Variants in BANP observed in about 807,000 individuals in gnomAD.
BANP encodes protein BANP.
A neutral mutation model predicts 68.1 loss-of-function variants in BANP; 11 were observed. The observed-to-expected ratio is 0.16, with a 90% confidence interval of 0.10 to 0.27. The LOEUF (loss-of-function observed/expected upper bound fraction) is 0.27. Among genes scored for constraint, BANP ranks in the 10% least tolerant of loss-of-function variants. BANP has a pLI of 1.00. For synonymous variants in BANP, 329 were observed against 303.2 expected (o/e 1.09, Z -0.88); for missense variants, 504 against 722.7 (o/e 0.70, Z 3.47).
chr16:88,008,532 C>CA (rs1187205587), intron 6 of BANP, among the ~76,000 whole-genome samples: 4 of 151,814 alleles, frequency 2.6e-5, no homozygotes, highest in East Asian at 3.9e-4. Flanking sequence ...TTAGCTAAGG[C>CA]AAAAAAACTT....
chr16:87,974,537 G>C (rs2061676976), intron 1 of BANP, among the ~76,000 whole-genome samples: 2 of 152,234 alleles, frequency 1.3e-5, no homozygotes, highest in South Asian at 4.1e-4. Context: ...CGGAGTATGG[G>C]TTGTAGTCTA....
chr16:88,027,931 C>T (rs970689658), intron 8 of BANP, among the ~76,000 whole-genome samples: 4 of 152,270 alleles, frequency 2.6e-5, no homozygotes, highest in Non-Finnish European at 4.4e-5. Flanking sequence ...GCAAGGAGGC[C>T]GAGGCCTTTG....
rs528078853 is a variant in BANP at position 87,957,396 on chromosome 16, A to G, written c.-69+5881A>G. On this transcript the variant is annotated intron_variant, in intron 1 of 13. Coordinates refer to ENST00000682872, the MANE Select transcript of BANP (RefSeq NM_001386991.1). The surrounding 1 kb of genome is among the most constrained non-coding windows in gnomAD (Gnocchi z 4.3). ...TCGGGGGTGTGTATTGGCTGCAGTC[A>G]CCTCCCCTCTGCTCGTCTGTGTCCA... 1.2e-3 allele frequency among the ~76,000 whole-genome samples: 176 copies of G among 151,824 alleles called. 1 individual carries two copies. The highest frequency in any genetic ancestry group is 4.0e-3 in the African/African-American group (164 of 41,380).
chr16:88,001,520 A>T (rs974877256), intron 4 of BANP, among the ~76,000 whole-genome samples: 9 of 152,280 alleles, frequency 5.9e-5, no homozygotes, highest in Non-Finnish European at 1.3e-4. Context: ...AAGATGTTCC[A>T]TAATTTAAAA....
intron 8 of BANP, among the ~76,000 whole-genome samples, chr16:88,030,659 C>G (rs1305676524): frequency 6.6e-6 from 1 of 152,214 alleles, no homozygotes; most frequent in African/African-American, 2.4e-5. Context: ...AGACTCAGAG[C>G]ATTTGCACAG....
rs181726918 is a variant in BANP at position 88,009,564 on chromosome 16, A to G, written c.655+3299A>G. ...TAGGTAATTCCGTTTGTCATTACAC[A>G]CGCTCCACTGGAATAAGAAGGATGG... On this transcript the variant is annotated intron_variant, in intron 6 of 13. Coordinates refer to ENST00000682872, the MANE Select transcript of BANP (RefSeq NM_001386991.1). Among the ~76,000 whole-genome samples the G allele has an allele frequency of 4.3e-4, 66 of 152,348 alleles. 1 individual carries two copies. The East Asian group carries it at 9.2e-3, about 21-fold the overall frequency.
At chr16:87,973,313 G>A (rs1056505425) in intron 1 of BANP, among the ~76,000 whole-genome samples, 17 of 151,490 alleles carry the variant, frequency 1.1e-4, no homozygotes, top group African/African-American at 4.1e-4. Flanking sequence ...ATCTAATCTT[G>A]TGTAAAGTTA....
rs961767391 is a variant in BANP, at chr16:88,066,008, G to A, written c.1377+676G>A. 4.6e-5 allele frequency among the ~76,000 whole-genome samples: 7 copies of A among 152,176 alleles called. No individual in the cohort carries two copies. The East Asian group carries it at 7.7e-4, about 17-fold the overall frequency. ...AGCACGGGAGAGGGTGTGCACCTGC[G>A]CCTGTGGCTTTTACGAGCCTGGGAT... On this transcript the variant is annotated intron_variant, in intron 12 of 13. Coordinates refer to ENST00000682872, the MANE Select transcript of BANP (RefSeq NM_001386991.1).
chr16:88,074,999 T>C (rs1251082424), intron 13 of BANP, among the ~76,000 whole-genome samples: 2 of 152,164 alleles, frequency 1.3e-5, no homozygotes, highest in Admixed American at 6.5e-5. Flanking sequence ...AGCCCAGGAC[T>C]TCAAGACCAG....
At chr16:87,994,447 G>T (rs552067163) in intron 4 of BANP, among the ~76,000 whole-genome samples, 6 of 152,346 alleles carry the variant, frequency 3.9e-5, no homozygotes, top group African/African-American at 1.4e-4. Flanking sequence ...GAAGCTAGAA[G>T]CTTCTTTCTT....
chr16:88,028,468 T>G (rs1001900595), intron 8 of BANP, among the ~76,000 whole-genome samples: 31 of 152,172 alleles, frequency 2.0e-4, no homozygotes, highest in African/African-American at 7.0e-4. Flanking sequence ...CTCGGGCTGT[T>G]TTGGTAGTTA....
Position 88,018,127 on chromosome 16 carries a change from C to G in BANP, c.656-301C>G, listed in dbSNP as rs533926638. 6.6e-6 allele frequency among the ~76,000 whole-genome samples: 1 copy of G among 151,868 alleles called. No homozygotes were observed. Among genetic ancestry groups the G allele is most frequent in the Non-Finnish European group, 1.5e-5 (1 of 67,992 alleles). Reference sequence around the variant, plus strand: ...AAGGATATCGGTATTGCTGGGGTCCCGGGTCCAGGGTGAGCAGAGTGTGTG... The same window carrying G: ...AAGGATATCGGTATTGCTGGGGTCCGGGGTCCAGGGTGAGCAGAGTGTGTG... On this transcript the variant is annotated intron_variant, in intron 6 of 13. Transcript: ENST00000682872. This position sits in a 1 kb window ranked among gnomAD's most constrained non-coding sequence, Gnocchi z 7.7.
intron 2 of BANP, among the ~76,000 whole-genome samples, chr16:87,977,840 T>C (rs1376669018): frequency 1.8e-5 from 1 of 55,580 alleles, no homozygotes; most frequent in African/African-American, 1.7e-4. Flanking sequence ...TTGATTGTGA[T>C]ATCTTTATTT....
intron 7 of BANP, among the ~76,000 whole-genome samples, chr16:88,019,751 C>A (rs993335703): frequency 2.0e-5 from 3 of 148,774 alleles, no homozygotes; most frequent in South Asian, 2.1e-4. Context: ...GCCAGCTGTT[C>A]CAGCAGGAAA....
rs1567723587 is a variant in BANP, at chr16:88,004,879, G to C, written c.479+468G>C. On this transcript the variant is annotated intron_variant, in intron 5 of 13. Coordinates refer to ENST00000682872, the MANE Select transcript of BANP (RefSeq NM_001386991.1). The surrounding 1 kb of genome is among the most constrained non-coding windows in gnomAD (Gnocchi z 7.0). ...TTGAATGGAACTTTGGTCAGAGGTGGGAGTGGACAGAAGACACCGTCCCCG... is the reference window on the plus strand; with the variant it reads ...TTGAATGGAACTTTGGTCAGAGGTGCGAGTGGACAGAAGACACCGTCCCCG... 6.6e-6 allele frequency among the ~76,000 whole-genome samples: 1 copy of C among 152,138 alleles called. No individual in the cohort carries two copies. Among genetic ancestry groups the C allele is most frequent in the Non-Finnish European group, 1.5e-5 (1 of 68,024 alleles).
At chr16:88,030,032 G>A (rs1257921917) in intron 8 of BANP, among the ~76,000 whole-genome samples, 1 of 152,238 alleles carries the variant, frequency 6.6e-6, no homozygotes, top group Non-Finnish European at 1.5e-5. Flanking sequence ...GTGATCAGTC[G>A]CTGCACTAGC....
intron 2 of BANP, chr16:87,978,827 C>T: frequency 3.0e-6 from 1 of 333,748 alleles, no homozygotes; most frequent in South Asian, 2.2e-5. Flanking sequence ...CTGAGACCAG[C>T]TGCCCCCATC....
At chr16:87,985,972 G>A (rs138883191) in intron 4 of BANP, among the ~76,000 whole-genome samples, 1 of 152,230 alleles carries the variant, frequency 6.6e-6, no homozygotes, top group South Asian at 2.1e-4. Flanking sequence ...CAGAGAGTTA[G>A]AAGCATGTTT....
At chr16:88,009,634 T>C (rs1338876219) in intron 6 of BANP, among the ~76,000 whole-genome samples, 2 of 152,088 alleles carry the variant, frequency 1.3e-5, no homozygotes, top group Admixed American at 6.5e-5. Flanking sequence ...CTGTGTCTCA[T>C]TGGAATAAGA....
Sources: allele counts gnomAD v4.1 joint callset (sites outside exome capture counted in the v4.1 genomes callset), GRCh38; gene constraint gnomAD v4.1.1; non-coding constraint Gnocchi (gnomAD v3.1); transcripts MANE v1.5; gene names NCBI Gene and HGNC (gene_info 2026-07-23, HGNC 2026-07-21).